The following PSTPIP2 variants were observed in gnomAD, a reference collection of about 807,000 sequenced individuals.
PSTPIP2 encodes the protein proline-serine-threonine phosphatase interacting protein 2.
Under a neutral mutation model 63.3 loss-of-function variants are expected in PSTPIP2, and 33 were observed. That is an observed-to-expected ratio of 0.52 (90% CI 0.40 to 0.70). The LOEUF is 0.70. Among genes scored for constraint, PSTPIP2 ranks in the 30% least tolerant of loss-of-function variants. The pLI is 0.00. For missense variants in PSTPIP2, 312 were observed against 400.7 expected, an observed-to-expected ratio of 0.78 and a Z score of 1.89; for synonymous variants, 125 against 132.7, an observed-to-expected ratio of 0.94 and a Z score of 0.40.
At chr18:46,031,165 C>T (rs1048735996) in intron 2 of PSTPIP2, among the ~76,000 whole-genome samples, 4 of 152,160 alleles carry the variant, frequency 2.6e-5, no homozygotes, top group African/African-American at 9.7e-5. Context: ...CAGTTATCCA[C>T]ATGTTGGATT....
intron 3 of PSTPIP2, among the ~76,000 whole-genome samples, chr18:46,018,392 G>A (rs534142876): frequency 2.0e-4 from 30 of 151,794 alleles, no homozygotes; most frequent in East Asian, 5.8e-4. Flanking sequence ...GGTATCTTTC[G>A]TTGATATCTT....
chr18:45,990,772 A>G lies in PSTPIP2; in HGVS notation c.921-16T>C. The G allele has an allele frequency of 6.3e-7, 1 of 1,583,336 alleles. No homozygotes were observed. Among genetic ancestry groups the G allele is most frequent in the Non-Finnish European group, 8.7e-7 (1 of 1,155,176 alleles). ...GGGTCCTCTCCTGTAAGAAATGAAA[A>G]CCAAAGTATTTTAGATAAGTTCTTG... is the stretch of plus-strand genomic sequence containing the variant. On this transcript the variant is annotated splice_polypyrimidine_tract_variant and intron_variant, in intron 12 of 14. Coordinates refer to ENST00000409746, the MANE Select transcript of PSTPIP2 (RefSeq NM_024430.4).
intron 3 of PSTPIP2, among the ~76,000 whole-genome samples, chr18:46,021,089 T>C (rs1400011456): frequency 6.6e-6 from 1 of 152,216 alleles, no homozygotes; most frequent in Non-Finnish European, 1.5e-5. Context: ...TTATCTTCCA[T>C]AAAATGTTCT....
chr18:45,986,526 G>A lies in PSTPIP2; in HGVS notation c.*9-1076C>T, dbSNP rs141200254. Among the ~76,000 whole-genome samples, 165 of 152,326 alleles carry A rather than the reference G, an allele frequency of 1.1e-3. 1 individual carries two copies. Among genetic ancestry groups the A allele is most frequent in the African/African-American group, 3.9e-3 (162 of 41,582 alleles). On this transcript the variant is annotated intron_variant, in intron 14 of 14. Coordinates refer to ENST00000409746, the MANE Select transcript of PSTPIP2 (RefSeq NM_024430.4). ...CAGTGACCTGCCCATCATCTACACA[G>A]TGCTCCAGAGAGCAGGTGCCACATC...
intron 8 of PSTPIP2, 24 bp downstream of exon 8, chr18:45,998,770 C>T (rs2051632344): frequency 6.2e-7 from 1 of 1,612,004 alleles, no homozygotes; most frequent in African/African-American, 1.3e-5. Context: ...AACCCTCCCC[C>T]ATCCGTAGGA....
chr18:46,005,678 C>T lies in PSTPIP2; in HGVS notation c.355-147G>A. On this transcript the variant is annotated intron_variant, in intron 5 of 14. Coordinates refer to ENST00000409746, the MANE Select transcript of PSTPIP2 (RefSeq NM_024430.4). ...CAATCTTCAGAGAAAAGAGACCAAA[C>T]AATTTGCCTAAGCTCTTATTCCTAG... 7 of 684,806 alleles carry T rather than the reference C, an allele frequency of 1.0e-5. No homozygotes were observed. The South Asian group carries it at 1.5e-4, about 14-fold the overall frequency. The allele number at this position is 684,806 out of a possible 1,614,324, so 42.4% of individuals were successfully genotyped here.
At chr18:46,003,116 G>A (rs1304556564) in intron 6 of PSTPIP2, among the ~76,000 whole-genome samples, 1 of 152,144 alleles carries the variant, frequency 6.6e-6, no homozygotes. Context: ...TCCCCTCCTT[G>A]GTCTCCACTG....
chr18:46,042,906 CTT>C (rs1364379256), intron 1 of PSTPIP2, among the ~76,000 whole-genome samples: 1 of 152,148 alleles, frequency 6.6e-6, no homozygotes, highest in African/African-American at 2.4e-5. Context: ...CTTCAGCACT[CTT>C]TGTTTTCTCC....
intron 6 of PSTPIP2, among the ~76,000 whole-genome samples, chr18:46,003,985 C>T (rs2051698424): frequency 2.0e-5 from 3 of 151,310 alleles, no homozygotes; most frequent in South Asian, 2.1e-4. Context: ...AGGCTGGTCT[C>T]GAACTCCTGA....
chr18:46,002,503 T>A (rs760542644), intron 6 of PSTPIP2, among the ~76,000 whole-genome samples: 6 of 152,258 alleles, frequency 3.9e-5, no homozygotes, highest in African/African-American at 7.2e-5. Flanking sequence ...TTCTTCTGTC[T>A]CTTCCATTCT....
chr18:46,071,403 G>A (rs957419800), intron 1 of PSTPIP2, among the ~76,000 whole-genome samples: 5 of 152,210 alleles, frequency 3.3e-5, no homozygotes, highest in Non-Finnish European at 5.9e-5. Flanking sequence ...AGAGGGAAGA[G>A]GACTAGACAG....
At chr18:46,009,284 G>A (rs1192052435) in intron 5 of PSTPIP2, among the ~76,000 whole-genome samples, 2 of 140,832 alleles carry the variant, frequency 1.4e-5, no homozygotes, top group African/African-American at 5.2e-5. Flanking sequence ...TCCAAGAAGT[G>A]AAAGACCAAA....
Position 46,072,222 on chromosome 18 carries a change from G to A in PSTPIP2, c.-34C>T. The stretch of plus-strand genomic sequence containing the variant: ...GAGTGGGGGCGCGGAGGAGAGCCGG[G>A]CCGCAGGTAGCACAGAGCGGGGAGG... On this transcript the variant is annotated 5_prime_UTR_variant, in exon 1 of 15. Coordinates refer to ENST00000409746, the MANE Select transcript of PSTPIP2 (RefSeq NM_024430.4). 1.3e-6 allele frequency: 2 copies of A among 1,530,392 alleles called. No individual in the cohort carries two copies. Among genetic ancestry groups the A allele is most frequent in the Non-Finnish European group, 1.8e-6 (2 of 1,138,752 alleles). The allele number at this position is 1,530,392 out of a possible 1,614,324, so 94.8% of individuals were successfully genotyped here. A position where few individuals can be genotyped will look rare whatever the true frequency, so the allele number is the denominator to read the frequency against.
chr18:46,040,094 C>A, intron 1 of PSTPIP2, 47 bp from the exon 2 acceptor site: 1 of 1,437,766 alleles, frequency 7.0e-7, no homozygotes, highest in Non-Finnish European at 9.5e-7. Context: ...GAAGGCAGCC[C>A]CCAAGGCCGG....
intron 2 of PSTPIP2, among the ~76,000 whole-genome samples, chr18:46,031,958 G>A (rs1226267515): frequency 6.6e-6 from 1 of 152,144 alleles, no homozygotes; most frequent in Non-Finnish European, 1.5e-5. Context: ...ATAAAACCAG[G>A]GAACAACCAC....
At chr18:46,012,289 C>G (rs190673128) in intron 4 of PSTPIP2, among the ~76,000 whole-genome samples, 2 of 151,694 alleles carry the variant, frequency 1.3e-5, no homozygotes, top group Non-Finnish European at 2.9e-5. Context: ...AACAGCACAA[C>G]CTTTCTGGAG....
At chr18:46,013,388 A>G (rs1261008301) in intron 4 of PSTPIP2, among the ~76,000 whole-genome samples, 1 of 152,204 alleles carries the variant, frequency 6.6e-6, no homozygotes, top group Admixed American at 6.5e-5. Context: ...AGCAAGCATT[A>G]AACATACTAT....
chr18:45,993,338 AC>A (rs1487343908), intron 10 of PSTPIP2, among the ~76,000 whole-genome samples: 1 of 152,022 alleles, frequency 6.6e-6, no homozygotes, highest in African/African-American at 2.4e-5. Context: ...CGGGTGATCC[AC>A]CCGTCTCAGC....
chr18:46,050,910 T>C (rs2144122087), intron 1 of PSTPIP2, among the ~76,000 whole-genome samples: 1 of 151,916 alleles, frequency 6.6e-6, no homozygotes, highest in South Asian at 2.1e-4. Context: ...TCGCTCAGGC[T>C]GGAGTGCGGT....
Sources: allele counts gnomAD v4.1 joint callset (sites outside exome capture counted in the v4.1 genomes callset), GRCh38; gene constraint gnomAD v4.1.1; transcripts MANE v1.5; gene names NCBI Gene and HGNC (gene_info 2026-07-23, HGNC 2026-07-21).